SCNN1A: variants seen among roughly 807,000 people sequenced by gnomAD.
SCNN1A encodes epithelial sodium channel subunit alpha.
Under a neutral mutation model 68.6 loss-of-function variants are expected in SCNN1A, and 65 were observed. The ratio of observed to expected loss-of-function variants is 0.95; its 90% CI spans 0.78 to 1.16. SCNN1A has a LOEUF of 1.16. Among genes scored for constraint, SCNN1A ranks in the 50% most tolerant of loss-of-function variants. SCNN1A has a pLI of 0.00. For missense variants in SCNN1A, 880 were observed against 865.9 expected, an observed-to-expected ratio of 1.02 and a Z score of -0.20; for synonymous variants, 357 against 353.3, an observed-to-expected ratio of 1.01 and a Z score of -0.12.
At chr12:6,375,943 G>A (rs1948900581), upstream of SCNN1A, 19 of 1,080,842 alleles carry the variant, frequency 1.8e-5, no homozygotes, top group Non-Finnish European at 2.0e-5. Context: ...GATGGAGGAG[G>A]GGCACTGAGT....
chr12:6,348,368 G>C, intron 12 of SCNN1A, 115 bp from the exon 13 acceptor site: 1 of 1,568,778 alleles, frequency 6.4e-7, no homozygotes, highest in Non-Finnish European at 8.6e-7. Context: ...AGACCCCCGA[G>C]TCCTCTCAGC....
At chr12:6,350,179 TCC>T (rs1299039351) in intron 8 of SCNN1A, among the ~76,000 whole-genome samples, 2 of 149,950 alleles carry the variant, frequency 1.3e-5, no homozygotes, top group African/African-American at 4.9e-5. Context: ...ACGCCTGTAA[TCC>T]CAGCACTTTG....
At chr12:6,350,761 T>C (rs992678862) in intron 8 of SCNN1A, among the ~76,000 whole-genome samples, 2 of 151,944 alleles carry the variant, frequency 1.3e-5, no homozygotes, top group Non-Finnish European at 2.9e-5. Context: ...TGCTTGAACC[T>C]AGGAGGTGGA....
In SCNN1A at chr12:6,348,127, G is replaced by A. The variant is rs761506062; in HGVS notation, c.1756C>T (p.Arg586Ter). The change falls in exon 13 of 13, where the codon CGA becomes TGA. Residue 586 changes from arginine to a stop codon, truncating the protein, a stop_gained. Coordinates refer to ENST00000228916, the MANE Select transcript of SCNN1A (RefSeq NM_001038.6). LOFTEE classifies it low-confidence loss of function (END_TRUNC). ...LLVIMFLMLL[R>*]RFRSRYWSPG... is the part of the protein sequence containing the mutation. Reference sequence around the variant, plus strand: ...GACCAGTATCGGCTTCGGAACCTTCGGAGCAGCATGAGGAACATGATGACC... The same window carrying A: ...GACCAGTATCGGCTTCGGAACCTTCAGAGCAGCATGAGGAACATGATGACC... 2 of 1,614,156 alleles carry A rather than the reference G, an allele frequency of 1.2e-6. No individual in the cohort carries two copies. Among genetic ancestry groups the A allele is most frequent in the South Asian group, 1.1e-5 (1 of 91,082 alleles).
intron 2 of SCNN1A, among the ~76,000 whole-genome samples, chr12:6,370,057 T>C (rs116497827): frequency 0.014 from 2,171 of 152,328 alleles, 44 homozygotes; most frequent in African/African-American, 0.048. Context: ...CCAGCCCTTC[T>C]GGCCTTGACC....
chr12:6,350,276 C>G (rs1948359074), intron 8 of SCNN1A, among the ~76,000 whole-genome samples: 1 of 148,566 alleles, frequency 6.7e-6, no homozygotes, highest in Admixed American at 6.7e-5. Flanking sequence ...ACTAAAAATA[C>G]AAAAAATTAG....
chr12:6,348,209 C>T lies in SCNN1A; in HGVS notation c.1674G>A (p.Trp558Ter), dbSNP rs767835625. 6.2e-7 allele frequency: 1 copy of T among 1,614,120 alleles called. No individual in the cohort carries two copies. The highest frequency in any genetic ancestry group is 1.7e-5 in the Admixed American group (1 of 60,028). Residue 558 changes from tryptophan to a stop codon, truncating the protein, a stop_gained, in exon 13 of 13, where the codon TGG (tryptophan) becomes TGA (stop). Transcript: ENST00000228916. LOFTEE classifies it low-confidence loss of function (END_TRUNC). ...LSNLGSQWSL[W>*]FGSSVLSVVE... is the part of the protein sequence containing the mutation. ...CCACAGACAACACCGAGGAGCCGAACCACAGGCTCCACTGGCTGCCCAGGT... is the reference window on the plus strand; with the variant it reads ...CCACAGACAACACCGAGGAGCCGAATCACAGGCTCCACTGGCTGCCCAGGT...
At chr12:6,349,109 C>T in intron 10 of SCNN1A, 55 bp downstream of exon 10, 3 of 1,604,634 alleles carry the variant, frequency 1.9e-6, no homozygotes, top group Non-Finnish European at 2.6e-6. Context: ...CCAGAGAAGG[C>T]CACAGCATTA....
rs1016749297 is a variant in SCNN1A, at chr12:6,351,068, T to C, written c.1361-1663A>G. Among the ~76,000 whole-genome samples, 1 of 152,136 alleles carries C rather than the reference T, an allele frequency of 6.6e-6. No homozygotes were observed. The highest frequency in any genetic ancestry group is 1.5e-5 in the Non-Finnish European group (1 of 68,028). On this transcript the variant is annotated intron_variant, in intron 8 of 12. Transcript: ENST00000228916. This position sits in a 1 kb window ranked among gnomAD's most constrained non-coding sequence, Gnocchi z 4.2. ...TATATACCCAAGAAAATGGAAAACA[T>C]GCGTCCACACAAAAACTTGTACACA...
At chr12:6,353,134 C>T (rs1435473087) in intron 8 of SCNN1A, among the ~76,000 whole-genome samples, 1 of 152,176 alleles carries the variant, frequency 6.6e-6, no homozygotes, top group Non-Finnish European at 1.5e-5. Context: ...AACAACTCAA[C>T]TGTAGTCAAA....
intron 2 of SCNN1A, among the ~76,000 whole-genome samples, chr12:6,366,732 G>A (rs1425068993): frequency 4.6e-5 from 7 of 151,902 alleles, no homozygotes; most frequent in Admixed American, 2.6e-4. Context: ...CCCGGGAGGC[G>A]GAGGTTGCAG....
chr12:6,365,041 T>G (rs1208564854), intron 2 of SCNN1A, among the ~76,000 whole-genome samples: 1 of 151,296 alleles, frequency 6.6e-6, no homozygotes. Flanking sequence ...TTTTTTTTTT[T>G]GGACAGGATC....
chr12:6,363,293 T>G, intron 3 of SCNN1A, 150 bp downstream of exon 3: 1 of 561,112 alleles, frequency 1.8e-6, no homozygotes. Flanking sequence ...TTTGTATTTA[T>G]TTACTTTTTT....
At position 6,363,436 on chromosome 12, in the gene SCNN1A, G is replaced by T. The variant is rs773425845; in HGVS notation, c.684+7C>A. On this transcript the variant is annotated splice_region_variant and intron_variant, in intron 3 of 12. Coordinates refer to ENST00000228916, the MANE Select transcript of SCNN1A (RefSeq NM_001038.6). ...CGGGGCGGGCCCCTCGGCGCTGCGGGCCTCACCAGCTGGAAGCCGATCTTC... is the reference window on the plus strand; with the variant it reads ...CGGGGCGGGCCCCTCGGCGCTGCGGTCCTCACCAGCTGGAAGCCGATCTTC... 3.2e-6 allele frequency: 5 copies of T among 1,558,680 alleles called. No homozygotes were observed. The African/African-American group carries it at 4.1e-5, about 13-fold the overall frequency.
At chr12:6,354,666 T>A (rs1948463226) in intron 7 of SCNN1A, 84 bp downstream of exon 7, 21 of 1,389,618 alleles carry the variant, frequency 1.5e-5, no homozygotes, top group Non-Finnish European at 1.8e-5. Context: ...TCTCTCTCTC[T>A]CACATACACA....
chr12:6,366,205 A>C (rs2136892871), intron 2 of SCNN1A, among the ~76,000 whole-genome samples: 1 of 152,322 alleles, frequency 6.6e-6, no homozygotes, highest in East Asian at 1.9e-4. Flanking sequence ...GCTAGTGAGA[A>C]TATAAAATGA....
Position 6,372,408 on chromosome 12 carries a change from C to T in SCNN1A, c.416+1960G>A, listed in dbSNP as rs1212306093. On this transcript the variant is annotated intron_variant, in intron 2 of 12. Coordinates refer to ENST00000228916, the MANE Select transcript of SCNN1A (RefSeq NM_001038.6). This position sits in a 1 kb window ranked among gnomAD's most constrained non-coding sequence, Gnocchi z 5.8. The stretch of plus-strand genomic sequence containing the variant: ...GGGGAGCCCTTCCCCGACTCCTCTC[C>T]TCTCCTAGGTGTTCTCTCCCTCCCG... Among the ~76,000 whole-genome samples the T allele has an allele frequency of 2.6e-5, 4 of 152,198 alleles. No homozygotes were observed. The highest frequency in any genetic ancestry group is 2.0e-4 in the Admixed American group (3 of 15,284).
At chr12:6,370,703 G>A (rs1301048721) in intron 2 of SCNN1A, among the ~76,000 whole-genome samples, 1 of 152,202 alleles carries the variant, frequency 6.6e-6, no homozygotes, top group African/African-American at 2.4e-5. Context: ...CGCCACGTCT[G>A]GGGACCACAG....
intron 2 of SCNN1A, among the ~76,000 whole-genome samples, chr12:6,368,023 A>C (rs1195880336): frequency 1.3e-5 from 2 of 152,248 alleles, no homozygotes; most frequent in African/African-American, 4.8e-5. Flanking sequence ...TGGCATTCTA[A>C]GAGACTTGCT....
Sources: gnomAD v4.1 joint callset for allele counts (sites outside exome capture counted in the v4.1 genomes callset) on GRCh38, gnomAD v4.1.1 for gene constraint, Gnocchi (gnomAD v3.1) non-coding constraint, MANE v1.5 for transcripts, NCBI Gene and HGNC (gene_info 2026-07-23, HGNC 2026-07-21) for gene names.